The following MED23 variants were observed in gnomAD, a reference collection of about 807,000 sequenced individuals.
MED23 encodes the protein mediator of RNA polymerase II transcription subunit 23.
Under a neutral mutation model 163.9 loss-of-function variants are expected in MED23, and 105 were observed. The ratio of observed to expected loss-of-function variants is 0.64; its 90% confidence interval spans 0.55 to 0.75. MED23 has a LOEUF of 0.75. Among genes scored for constraint, MED23 ranks in the 30% least tolerant of loss-of-function variants. The pLI is 0.00. For missense variants in MED23, 1,054 were observed against 1,649.0 expected (o/e 0.64, Z 6.25); for synonymous variants, 561 against 565.6 (o/e 0.99, Z 0.12).
intron 1 of MED23, 65 bp from the exon 2 acceptor site, chr6:131,627,737 A>G (rs1032115828): frequency 6.9e-6 from 10 of 1,457,786 alleles, no homozygotes; most frequent in Non-Finnish European, 9.5e-6. Flanking sequence ...CCCTTAGCCA[A>G]GTATTACAAT....
intron 30 of MED23, chr6:131,574,299 C>T (rs1234352916): frequency 6.2e-7 from 1 of 1,613,902 alleles, no homozygotes; most frequent in Non-Finnish European, 8.5e-7. Context: ...CTTTTTACTG[C>T]AAAACAAATT....
chr6:131,605,573 A>T, intron 13 of MED23, 88 bp from the exon 14 acceptor site: 8 of 1,194,576 alleles, frequency 6.7e-6, no homozygotes, highest in Non-Finnish European at 9.1e-6. Flanking sequence ...AATTTTATGC[A>T]ATTATTTATT....
At position 131,591,624 on chromosome 6, in the gene MED23, C is replaced by T. The variant is rs1280238156; in HGVS notation, c.3472-97G>A. The T allele has an allele frequency of 2.6e-5, 26 of 986,470 alleles. 1 individual carries two copies. The South Asian group carries it at 3.4e-4, about 13-fold the overall frequency. The allele number at this position is 986,470 out of a possible 1,614,324, so 61.1% of individuals were successfully genotyped here. On this transcript the variant is annotated intron_variant, in intron 25 of 28. Transcript: ENST00000368068. ...GTGTTTTCTCATTCTTTAAAGTTTT[C>T]TATTTTTCCAGCTTCTGCACAATAC...
Position 131,621,989 on chromosome 6 carries a change from G to A in MED23, c.397-10C>T. 6.3e-7 allele frequency: 1 copy of A among 1,594,746 alleles called. No homozygotes were observed. The highest frequency in any genetic ancestry group is 1.7e-4 in the Middle Eastern group (1 of 6,010). The stretch of plus-strand genomic sequence containing the variant: ...AGAGATCTCGAACACCCTGATATAA[G>A]AAAAAAGACATGGGTTAAAATTAAG... On this transcript the variant is annotated splice_polypyrimidine_tract_variant and intron_variant, in intron 5 of 28. Coordinates refer to ENST00000368068, the MANE Select transcript of MED23 (RefSeq NM_004830.4).
intron 21 of MED23, 89 bp from the exon 22 acceptor site, chr6:131,596,252 T>A: frequency 1.6e-6 from 2 of 1,240,760 alleles, no homozygotes; most frequent in East Asian, 4.9e-5. Context: ...GTTTAGATTT[T>A]TTTTTGCAAG....
Position 131,619,843 on chromosome 6 carries a change from C to T in MED23, c.651G>A (p.Arg217=). ...TAATCCTACCACAAATGGAGTTTAT[C>T]CTTGCTGTGGGCCTGAAGGTATCCA... ...DFVDTFRPTA[R]INSICGRCSL... The change falls in exon 8 of 29, where the codon AGG becomes AGA. Residue 217 remains arginine, a synonymous_variant. Transcript: ENST00000368068. The T allele has an allele frequency of 1.2e-6, 2 of 1,610,278 alleles. No homozygotes were observed. Among genetic ancestry groups the T allele is most frequent in the Middle Eastern group, 1.7e-4 (1 of 6,050 alleles).
chr6:131,602,916 CA>C, intron 16 of MED23, 113 bp downstream of exon 16: 1 of 1,106,152 alleles, frequency 9.0e-7, no homozygotes. Flanking sequence ...AGTTTTATGA[CA>C]GATGAATAAT....
chr6:131,618,871 G>C (rs1008046422), intron 8 of MED23, among the ~76,000 whole-genome samples: 2 of 152,224 alleles, frequency 1.3e-5, no homozygotes, highest in African/African-American at 2.4e-5. Context: ...CTGAGTAGCT[G>C]CAACAGATTC....
chr6:131,602,429 T>C (rs761772394), intron 16 of MED23, 48 bp from the exon 17 acceptor site: 16 of 1,547,202 alleles, frequency 1.0e-5, no homozygotes, highest in East Asian at 6.8e-5. Flanking sequence ...TTCAGAATTA[T>C]GGAATTAAAT....
intron 17 of MED23, among the ~76,000 whole-genome samples, chr6:131,601,544 T>G (rs1305147961): frequency 6.6e-6 from 1 of 152,226 alleles, no homozygotes; most frequent in African/African-American, 2.4e-5. Flanking sequence ...CATTTTTCCA[T>G]GTGATGTCAA....
At chr6:131,592,132 G>A in intron 25 of MED23, 1 of 523,482 alleles carries the variant, frequency 1.9e-6, no homozygotes, top group South Asian at 2.3e-5. Context: ...AAGTTGGATA[G>A]GTAAGGTGGT....
downstream of MED23, chr6:131,583,644 A>G (rs188114606): frequency 5.0e-5 from 76 of 1,523,898 alleles, no homozygotes; most frequent in Middle Eastern, 1.7e-4. Flanking sequence ...ATCGGTTACT[A>G]CCTTTTTCTG....
In MED23 at chr6:131,628,213, C is replaced by T; in HGVS notation, c.-164G>A. The T allele has an allele frequency of 2.7e-6, 2 of 750,490 alleles. No individual in the cohort carries two copies. Among genetic ancestry groups the T allele is most frequent in the Admixed American group, 2.1e-5 (1 of 48,442 alleles). The allele number at this position is 750,490 out of a possible 1,614,324, so 46.5% of individuals were successfully genotyped here. On this transcript the variant is annotated 5_prime_UTR_variant, in exon 1 of 29. Coordinates refer to ENST00000368068, the MANE Select transcript of MED23 (RefSeq NM_004830.4). ...TACCTGGAGCGTTCCCTCCCGAGCC[C>T]AGCCAACAGCAGGAACCTGTACGGA...
In MED23 at chr6:131,615,920, C is replaced by T. The variant is rs1034272221; in HGVS notation, c.863G>A (p.Gly288Asp). 6.2e-7 allele frequency: 1 copy of T among 1,612,610 alleles called. No homozygotes were observed. Among genetic ancestry groups the T allele is most frequent in the Non-Finnish European group, 8.5e-7 (1 of 1,178,792 alleles). ...ATAGTACAGTACCTGCTTATTTAAA[C>T]CTAGCATATTGCAGACCATATCCCT... Reference protein sequence around the residue: ...YSRDMVCNMLGLNKQHKQRCP... With the variant: ...YSRDMVCNMLDLNKQHKQRCP... The change falls in exon 10 of 29, where the codon GGT (glycine) becomes GAT (aspartate). Residue 288 changes from glycine to aspartate, a missense_variant. Gly to Asp is a moderately conservative substitution (Grantham distance 94). This residue lies in a region of MED23 where 26 missense variants were observed against 28.4 expected (regional missense o/e 0.92). Coordinates refer to ENST00000368068, the MANE Select transcript of MED23 (RefSeq NM_004830.4).
intron 10 of MED23, among the ~76,000 whole-genome samples, chr6:131,612,493 A>C (rs1292540849): frequency 6.6e-6 from 1 of 152,124 alleles, no homozygotes; most frequent in African/African-American, 2.4e-5. Context: ...CACTAGGCTA[A>C]GATTATTTCA....
chr6:131,619,943 G>T (rs1236606638), intron 7 of MED23, 47 bp from the exon 8 acceptor site: 1 of 1,190,026 alleles, frequency 8.4e-7, no homozygotes. Flanking sequence ...CGTACAAAAG[G>T]AAAATTGAGA....
At position 131,609,078 on chromosome 6, in the gene MED23, C is replaced by T. The variant is rs1380983564; in HGVS notation, c.1077+968G>A. 2.0e-5 allele frequency among the ~76,000 whole-genome samples: 3 copies of T among 152,198 alleles called. No homozygotes were observed. In the East Asian group the frequency reaches 5.8e-4, roughly 29 times the overall value. ...TCCTTTCTGTCCTGGTTTAGGCCTT[C>T]AGCATCTTTCACCTAGTCCACTGTA... On this transcript the variant is annotated intron_variant, in intron 11 of 28. Coordinates refer to ENST00000368068, the MANE Select transcript of MED23 (RefSeq NM_004830.4).
At chr6:131,575,731 G>T (rs890417619) in intron 30 of MED23, among the ~76,000 whole-genome samples, 1 of 152,218 alleles carries the variant, frequency 6.6e-6, no homozygotes, top group Non-Finnish European at 1.5e-5. Flanking sequence ...GAAAGATACA[G>T]AAAGGAACTG....
At chr6:131,626,382 C>T (rs537691807) in intron 3 of MED23, among the ~76,000 whole-genome samples, 1 of 151,010 alleles carries the variant, frequency 6.6e-6, no homozygotes. Context: ...GAGGAAGGTA[C>T]AGCCATACAA....
Sources: gnomAD v4.1 joint callset for allele counts (sites outside exome capture counted in the v4.1 genomes callset) on GRCh38, gnomAD v4.1.1 for gene constraint, gnomAD v4.1.1 regional missense constraint, MANE v1.5 for transcripts, NCBI Gene and HGNC (gene_info 2026-07-23, HGNC 2026-07-21) for gene names.